Variants in RYR2 observed in about 807,000 individuals in gnomAD.
RYR2 encodes cardiac muscle ryanodine receptor-calcium release channel.
RYR2 carries 227 observed loss-of-function variants against 601.1 expected under a neutral mutation model. That is an observed-to-expected ratio of 0.38 (90% confidence interval 0.34 to 0.42). The LOEUF (loss-of-function observed/expected upper bound fraction) is 0.42. RYR2 is among the 10% of genes least tolerant of loss of function. The pLI, the probability that RYR2 is intolerant of heterozygous loss-of-function variation, is 1.00. For synonymous variants in RYR2, 2,223 were observed against 2,175.1 expected (o/e 1.02, Z -0.61); for missense variants, 4,646 against 6,156.5 (o/e 0.75, Z 8.21).
rs1433457033 is a variant in RYR2 at position 237,625,764 on chromosome 1, G to A, written c.6126G>A (p.Lys2042=). Residue 2042 remains lysine, a synonymous_variant, in exon 40 of 105, where the codon AAG becomes AAA. Transcript: ENST00000366574. ...AAAAGGTGACATATCTGAAGAAGAA[G>A]CAAGCAGAAAAACCAGTTGAGAGTG... ...LVEKVTYLKK[K]QAEKPVESDS... 2.5e-6 allele frequency: 4 copies of A among 1,613,758 alleles called. No individual in the cohort carries two copies. In the Admixed American group the frequency reaches 5.0e-5, roughly 20 times the overall value.
At chr1:237,658,780 C>A (rs930726446) in intron 54 of RYR2, among the ~76,000 whole-genome samples, 1 of 152,132 alleles carries the variant, frequency 6.6e-6, no homozygotes, top group Admixed American at 6.5e-5. Context: ...CTTTTCTATT[C>A]TTCTGTTGTA....
intron 28 of RYR2, among the ~76,000 whole-genome samples, chr1:237,567,170 A>G (rs1672172457): frequency 6.6e-6 from 1 of 152,186 alleles, no homozygotes; most frequent in East Asian, 1.9e-4. Flanking sequence ...TATAATCACA[A>G]ACGGTTTTCA....
chr1:237,461,138 G>A (rs185165459), intron 16 of RYR2, among the ~76,000 whole-genome samples: 1 of 152,242 alleles, frequency 6.6e-6, no homozygotes, highest in East Asian at 1.9e-4. Flanking sequence ...TCGGAAAATG[G>A]CAGGAACAAA....
At chr1:237,628,683 A>G (rs1357380128) in intron 41 of RYR2, among the ~76,000 whole-genome samples, 1 of 152,184 alleles carries the variant, frequency 6.6e-6, no homozygotes, top group African/African-American at 2.4e-5. Context: ...CACAGCCAAT[A>G]TCTTTCAGTG....
At chr1:237,520,046 G>A (rs1469352787) in intron 24 of RYR2, among the ~76,000 whole-genome samples, 2 of 152,038 alleles carry the variant, frequency 1.3e-5, no homozygotes, top group Non-Finnish European at 2.9e-5. Context: ...TTTCAATGAG[G>A]TATTTTAATT....
chr1:237,232,101 T>C (rs990042576), intron 1 of RYR2, among the ~76,000 whole-genome samples: 24 of 152,198 alleles, frequency 1.6e-4, no homozygotes, highest in African/African-American at 5.1e-4. Context: ...TTCAATCTCT[T>C]TTTCTGGTAC....
At chr1:237,314,095 T>G (rs1433958561) in intron 2 of RYR2, among the ~76,000 whole-genome samples, 1 of 147,850 alleles carries the variant, frequency 6.8e-6, no homozygotes, top group Non-Finnish European at 1.5e-5. Flanking sequence ...GATGGAGTCT[T>G]GCTCTGTTGC....
chr1:237,651,464 T>A lies in RYR2; in HGVS notation c.7787T>A (p.Val2596Asp). The A allele has an allele frequency of 3.8e-6, 6 of 1,591,730 alleles. No homozygotes were observed. Among genetic ancestry groups the A allele is most frequent in the Non-Finnish European group, 5.1e-6 (6 of 1,167,910 alleles). ...QHLLRRLVFD[V>D]PLLNEHAKMP... ...TTACTCAGAAGATTAGTATTTGATG[T>A]TCCATTATTAAATGAACACGCAAAG... The change falls in exon 51 of 105, where the codon GTT becomes GAT. Residue 2596 changes from valine to aspartate, a missense_variant. Val to Asp is a radical substitution (Grantham distance 152). Transcript: ENST00000366574.
intron 62 of RYR2, among the ~76,000 whole-genome samples, 179 bp downstream of exon 62, chr1:237,680,756 T>C (rs2148937672): frequency 6.6e-6 from 1 of 152,342 alleles, no homozygotes; most frequent in East Asian, 1.9e-4. Context: ...ATATGTGTTC[T>C]AGATGTTGAG....
intron 47 of RYR2, among the ~76,000 whole-genome samples, chr1:237,641,335 A>G (rs1007921461): frequency 2.6e-5 from 4 of 152,130 alleles, no homozygotes; most frequent in African/African-American, 7.2e-5. Context: ...CCAGAAAACA[A>G]CTGCTCCTAC....
At chr1:237,788,253 G>C in intron 92 of RYR2, 118 bp downstream of exon 92, 1 of 718,278 alleles carries the variant, frequency 1.4e-6, no homozygotes, top group Non-Finnish European at 2.3e-6. Flanking sequence ...GGTTAGTCCA[G>C]CACATGTTTG....
intron 14 of RYR2, among the ~76,000 whole-genome samples, chr1:237,445,927 C>T (rs1436545781): frequency 6.6e-6 from 1 of 152,124 alleles, no homozygotes; most frequent in Non-Finnish European, 1.5e-5. Flanking sequence ...AGCGATTCTC[C>T]TCCCTCAGCC....
At chr1:237,263,924 T>C (rs1361480695) in intron 1 of RYR2, among the ~76,000 whole-genome samples, 1 of 151,924 alleles carries the variant, frequency 6.6e-6, no homozygotes, top group Non-Finnish European at 1.5e-5. Flanking sequence ...CAGGTAGTGA[T>C]AATAAAGGGG....
At chr1:237,578,162 T>A (rs1174530727) in intron 29 of RYR2, among the ~76,000 whole-genome samples, 4 of 152,024 alleles carry the variant, frequency 2.6e-5, no homozygotes, top group Non-Finnish European at 4.4e-5. Flanking sequence ...TTGGGACTGA[T>A]CTAGTAAGAA....
intron 56 of RYR2, among the ~76,000 whole-genome samples, chr1:237,662,126 A>G (rs1044740242): frequency 6.6e-6 from 1 of 152,144 alleles, no homozygotes; most frequent in East Asian, 1.9e-4. Context: ...TATACTTTTA[A>G]ATAAATTTGA....
intron 2 of RYR2, among the ~76,000 whole-genome samples, chr1:237,289,296 C>T (rs1691950060): frequency 6.6e-6 from 1 of 152,144 alleles, no homozygotes; most frequent in South Asian, 2.1e-4. Context: ...TCTAGAGCTG[C>T]AATCTAGTCC....
intron 98 of RYR2, among the ~76,000 whole-genome samples, chr1:237,802,831 G>A (rs1660129531): frequency 6.6e-6 from 1 of 152,192 alleles, no homozygotes; most frequent in Non-Finnish European, 1.5e-5. Context: ...CTTCTGCCCA[G>A]ATGCAGCTTA....
intron 1 of RYR2, among the ~76,000 whole-genome samples, chr1:237,071,629 T>G (rs1483489818): frequency 1.3e-5 from 2 of 152,204 alleles, no homozygotes; most frequent in African/African-American, 4.8e-5. Context: ...TACTCTGTGT[T>G]GGGGATTCCA....
chr1:237,553,183 C>T (rs1670573529), intron 27 of RYR2, among the ~76,000 whole-genome samples: 1 of 151,974 alleles, frequency 6.6e-6, no homozygotes. Context: ...ATGTTTCCTT[C>T]CAGAGTTTTA....
Sources: allele counts gnomAD v4.1 joint callset (sites outside exome capture counted in the v4.1 genomes callset), GRCh38; gene constraint gnomAD v4.1.1; transcripts MANE v1.5; gene names NCBI Gene and HGNC (gene_info 2026-07-23, HGNC 2026-07-21).